NCOA5: variants seen among roughly 807,000 people sequenced by gnomAD.
The protein encoded by NCOA5 is nuclear receptor coactivator 5, also known as NCoA-5.
A neutral mutation model predicts 59.0 loss-of-function variants in NCOA5; 12 were observed. That is an observed-to-expected ratio of 0.20 (90% CI 0.13 to 0.33). NCOA5 has a LOEUF of 0.33. Ranked by LOEUF, NCOA5 falls within the 10% of genes least tolerant of loss-of-function variation. The pLI is 1.00. For missense variants in NCOA5, 655 were observed against 766.6 expected, an observed-to-expected ratio of 0.85 and a Z score of 1.72; for synonymous variants, 270 against 275.5, an observed-to-expected ratio of 0.98 and a Z score of 0.20.
At chr20:46,065,789 C>A (rs2084816627) in intron 5 of NCOA5, among the ~76,000 whole-genome samples, 1 of 152,216 alleles carries the variant, frequency 6.6e-6, no homozygotes, top group South Asian at 2.1e-4. Context: ...CACCTGTATG[C>A]TTTTGTCACC....
At chr20:46,074,874 G>A (rs1257497884) in intron 2 of NCOA5, among the ~76,000 whole-genome samples, 2 of 152,208 alleles carry the variant, frequency 1.3e-5, no homozygotes, top group African/African-American at 2.4e-5. Context: ...AGACGGTCAG[G>A]GAGGAAGACC....
chr20:46,078,731 C>T (rs1362172898), intron 2 of NCOA5, among the ~76,000 whole-genome samples: 1 of 152,004 alleles, frequency 6.6e-6, no homozygotes, highest in African/African-American at 2.4e-5. Flanking sequence ...AGAGGAGGGA[C>T]CAATTTAATG....
In NCOA5 at chr20:46,068,524, T is replaced by A; in HGVS notation, c.480A>T (p.Pro160=). Residue 160 remains proline, a synonymous_variant, in exon 4 of 8, where the codon CCA becomes CCT. Coordinates refer to ENST00000290231, the MANE Select transcript of NCOA5 (RefSeq NM_020967.3). ...DSFDGRGPPG[P]ESQSRAKERL... is the part of the protein sequence containing the mutation. ...TACCTTTTGCACGAGACTGACTTTC[T>A]GGGCCTGGAGGGCCCCGTCCATCAA... 6.2e-7 allele frequency: 1 copy of A among 1,612,606 alleles called. No individual in the cohort carries two copies. Among genetic ancestry groups the A allele is most frequent in the Non-Finnish European group, 8.5e-7 (1 of 1,179,446 alleles).
At chr20:46,089,389 G>T (rs1007372198) in intron 1 of NCOA5, among the ~76,000 whole-genome samples, 2 of 152,226 alleles carry the variant, frequency 1.3e-5, no homozygotes, top group South Asian at 2.1e-4. Flanking sequence ...CGGTGCCACG[G>T]GACGCCTTGG....
At chr20:46,074,301 C>T (rs1453708071) in intron 2 of NCOA5, among the ~76,000 whole-genome samples, 1 of 152,172 alleles carries the variant, frequency 6.6e-6, no homozygotes, top group African/African-American at 2.4e-5. Flanking sequence ...ACAAAGCTTC[C>T]TGTGGGAGAC....
intron 7 of NCOA5, 69 bp downstream of exon 7, chr20:46,063,291 C>T: frequency 6.6e-7 from 1 of 1,521,158 alleles, no homozygotes; most frequent in Non-Finnish European, 8.9e-7. Flanking sequence ...CTGACACCCT[C>T]CCAACAGAGC....
At chr20:46,063,279 G>A in intron 7 of NCOA5, 81 bp downstream of exon 7, 1 of 1,452,504 alleles carries the variant, frequency 6.9e-7, no homozygotes. Context: ...AGAGCCCTGG[G>A]CCTGACACCC....
Position 46,070,360 on chromosome 20 carries a change from T to A in NCOA5, c.215A>T (p.His72Leu), listed in dbSNP as rs1368380735. ...GTCGCGCACACTCCTGCTGTCTCTG[T>A]GATCCCGCAAATCTCTACTATGTCT... ...DHRHSRDLRD[H>L]RDSRSVRDVR... Residue 72 changes from histidine (H) to leucine (L), a missense_variant, in exon 3 of 8, where the codon CAC becomes CTC. His to Leu is a moderately conservative substitution (Grantham distance 99). This residue lies in a region of NCOA5 where 250 missense variants were observed against 260.1 expected (regional missense o/e 0.96). Coordinates refer to ENST00000290231, the MANE Select transcript of NCOA5 (RefSeq NM_020967.3). The A allele has an allele frequency of 6.2e-7, 1 of 1,613,348 alleles. No individual in the cohort carries two copies. Among genetic ancestry groups the A allele is most frequent in the East Asian group, 2.2e-5 (1 of 44,828 alleles).
chr20:46,067,557 A>AT (rs1459632474), intron 4 of NCOA5, among the ~76,000 whole-genome samples: 15 of 147,594 alleles, frequency 1.0e-4, no homozygotes, highest in African/African-American at 3.7e-4. Flanking sequence ...TCTAATCTGC[A>AT]TTTTTGCTTT....
chr20:46,062,194 C>A lies in NCOA5; in HGVS notation c.*106G>T, dbSNP rs886753525. The A allele has an allele frequency of 1.2e-6, 1 of 831,960 alleles. No individual in the cohort carries two copies. Among genetic ancestry groups the A allele is most frequent in the South Asian group, 1.9e-5 (1 of 53,844 alleles). 51.5% of individuals were successfully genotyped at this position (831,960 alleles called of 1,614,324 possible). On this transcript the variant is annotated 3_prime_UTR_variant, in exon 8 of 8. Transcript: ENST00000290231. ...TGGTAGAAATTGATGACACTCGATG[C>A]CGGCCTGGGAGCGCAGAGAACATCC...
intron 1 of NCOA5, among the ~76,000 whole-genome samples, chr20:46,085,814 C>G (rs867360352): frequency 6.6e-6 from 1 of 152,208 alleles, no homozygotes; most frequent in Non-Finnish European, 1.5e-5. Context: ...ATAAACTGAA[C>G]TACCACAGAG....
At chr20:46,088,004 T>TATA (rs11086994) in intron 1 of NCOA5, among the ~76,000 whole-genome samples, 16 of 151,286 alleles carry the variant, frequency 1.1e-4, no homozygotes, top group East Asian at 3.9e-4. Flanking sequence ...TATATATATA[T>TATA]TTTTTTACAC....
At chr20:46,081,725 T>C (rs2084993878) in intron 1 of NCOA5, among the ~76,000 whole-genome samples, 2 of 152,074 alleles carry the variant, frequency 1.3e-5, no homozygotes, top group Non-Finnish European at 2.9e-5. Context: ...ATTTAAGAGT[T>C]CCTTAAATTT....
rs538520859 is a variant in NCOA5, at chr20:46,063,011, A to G, written c.1151-122T>C. ...AATCATACAGTACACAGACGATAAC[A>G]TCAATTTCCCAAAGAGGCCGCTTCA... On this transcript the variant is annotated intron_variant, in intron 7 of 7. Coordinates refer to ENST00000290231, the MANE Select transcript of NCOA5 (RefSeq NM_020967.3). 4.7e-5 allele frequency: 40 copies of G among 843,932 alleles called. No homozygotes were observed. In the Admixed American group the frequency reaches 5.3e-4, roughly 11 times the overall value. 52.3% of individuals were successfully genotyped at this position (843,932 alleles called of 1,614,324 possible). A position where few individuals can be genotyped will look rare whatever the true frequency, so the allele number is the denominator to read the frequency against.
Position 46,062,268 on chromosome 20 carries a change from G to A in NCOA5, c.*32C>T. 1 of 1,556,094 alleles carries A rather than the reference G, an allele frequency of 6.4e-7. No individual in the cohort carries two copies. Among genetic ancestry groups the A allele is most frequent in the Non-Finnish European group, 8.8e-7 (1 of 1,137,242 alleles). ...AGTAAGTGGGAGGAGGCCAGGGGATGAGGGGACTGGGGAGAGTTGAAAGAT... is the reference window on the plus strand; with the variant it reads ...AGTAAGTGGGAGGAGGCCAGGGGATAAGGGGACTGGGGAGAGTTGAAAGAT... On this transcript the variant is annotated 3_prime_UTR_variant, in exon 8 of 8. Transcript: ENST00000290231.
intron 6 of NCOA5, 56 bp downstream of exon 6, chr20:46,064,971 TAA>T: frequency 6.4e-7 from 1 of 1,572,654 alleles, no homozygotes; most frequent in Non-Finnish European, 8.7e-7. Flanking sequence ...TTCTTCTGAG[TAA>T]GGCATAAAGG....
At chr20:46,074,947 A>G (rs2084921380) in intron 2 of NCOA5, among the ~76,000 whole-genome samples, 1 of 152,120 alleles carries the variant, frequency 6.6e-6, no homozygotes, top group Admixed American at 6.5e-5. Flanking sequence ...TGTTCACCGG[A>G]ATGTCTTCCT....
intron 1 of NCOA5, among the ~76,000 whole-genome samples, chr20:46,088,789 C>G (rs572057477): frequency 1.3e-5 from 2 of 152,346 alleles, no homozygotes; most frequent in African/African-American, 4.8e-5. Flanking sequence ...GCACAGAGTG[C>G]AAGCCAGAAG....
rs1213039966 is a variant in NCOA5, at chr20:46,068,575, A to C, written c.429T>G (p.Ser143=). The C allele has an allele frequency of 6.2e-7, 1 of 1,613,842 alleles. No individual in the cohort carries two copies. The highest frequency in any genetic ancestry group is 1.1e-5 in the South Asian group (1 of 90,966). The change falls in exon 4 of 8, where the codon TCT becomes TCG. Residue 143 remains serine (S), a synonymous_variant. Transcript: ENST00000290231. ...MDDYCRRKDD[S]YFDRYRDSFD... ...AGCTATCTCTGTAACGGTCAAAATA[A>C]GAGTCATCCTTTCTCCTGCAATAGT...
Sources: allele counts gnomAD v4.1 joint callset (sites outside exome capture counted in the v4.1 genomes callset), GRCh38; gene constraint gnomAD v4.1.1; regional missense constraint gnomAD v4.1.1; transcripts MANE v1.5; gene names NCBI Gene and HGNC (gene_info 2026-07-23, HGNC 2026-07-21).